The following CSMD1 variants were observed in gnomAD, a reference collection of about 807,000 sequenced individuals.
The protein encoded by CSMD1 is CUB and Sushi multiple domains 1, also known as CUB and sushi domain-containing protein 1.
CSMD1 carries 213 observed loss-of-function variants against 417.5 expected under a neutral mutation model. The ratio of observed to expected loss-of-function variants is 0.51; its 90% CI spans 0.46 to 0.57. The LOEUF is 0.57. CSMD1 is among the 20% of genes least tolerant of loss of function. The probability of loss-of-function intolerance (pLI) is 0.00; values close to 1 mark genes in which losing one functional copy is unlikely to be tolerated. For synonymous variants in CSMD1, 2,862 were observed against 1,736.8 expected (o/e 1.65, Z -16.11); for missense variants, 6,923 against 4,529.7 (o/e 1.53, Z -15.17).
chr8:3,517,685 T>A (rs1585290794), intron 10 of CSMD1, among the ~76,000 whole-genome samples: 1 of 152,194 alleles, frequency 6.6e-6, no homozygotes, highest in African/African-American at 2.4e-5. Context: ...TTTTCACTTG[T>A]AGACACAAAC....
chr8:4,661,397 T>C (rs1412882356), intron 1 of CSMD1, among the ~76,000 whole-genome samples: 1 of 152,240 alleles, frequency 6.6e-6, no homozygotes, highest in Non-Finnish European at 1.5e-5. Context: ...TCAAACGTTG[T>C]ATGCTATAGG....
chr8:3,032,644 T>G (rs1810417778), intron 50 of CSMD1, among the ~76,000 whole-genome samples: 1 of 152,018 alleles, frequency 6.6e-6, no homozygotes, highest in Non-Finnish European at 1.5e-5. Flanking sequence ...ACGTGGTTTC[T>G]AGTCACTGAC....
chr8:4,315,693 A>G (rs1291232326), intron 3 of CSMD1, among the ~76,000 whole-genome samples: 1 of 152,220 alleles, frequency 6.6e-6, no homozygotes, highest in Non-Finnish European at 1.5e-5. Flanking sequence ...TAAAATAGCC[A>G]TTGAAGTCAT....
At chr8:4,761,847 CTATCTATCTATCTAT>C (rs1812094166) in intron 1 of CSMD1, among the ~76,000 whole-genome samples, 2 of 63,012 alleles carry the variant, frequency 3.2e-5, no homozygotes, top group Non-Finnish European at 6.7e-5. Context: ...ATCTATCTAT[CTATCTATCTATCTAT>C]CTATCTATCT....
chr8:4,292,232 T>G (rs922215488), intron 3 of CSMD1, among the ~76,000 whole-genome samples: 1 of 151,914 alleles, frequency 6.6e-6, no homozygotes, highest in Admixed American at 6.6e-5. Context: ...TCCAAAGAAT[T>G]TTGTTGTCGT....
intron 49 of CSMD1, among the ~76,000 whole-genome samples, chr8:3,082,112 G>A (rs1396404512): frequency 6.6e-6 from 1 of 152,078 alleles, no homozygotes; most frequent in East Asian, 1.9e-4. Context: ...TTCAATACCT[G>A]TTTTCATGCA....
intron 30 of CSMD1, among the ~76,000 whole-genome samples, chr8:3,208,639 G>A (rs1458234810): frequency 1.3e-5 from 2 of 152,166 alleles, no homozygotes; most frequent in African/African-American, 4.8e-5. Context: ...TCCTGGGTAT[G>A]TCTGTGAGGG....
chr8:3,396,666 A>C (rs530640353), intron 16 of CSMD1, among the ~76,000 whole-genome samples: 56 of 152,278 alleles, frequency 3.7e-4, no homozygotes, highest in African/African-American at 1.3e-3. Flanking sequence ...ACTATGAACC[A>C]GATTAGTTTT....
At chr8:3,343,530 C>G in intron 22 of CSMD1, 80 bp from the exon 23 acceptor site, 1 of 1,264,822 alleles carries the variant, frequency 7.9e-7, no homozygotes, top group Non-Finnish European at 1.1e-6. Context: ...CAATCCAAAT[C>G]TTCAAAGATG....
At chr8:4,322,568 T>A (rs10103330) in intron 3 of CSMD1, among the ~76,000 whole-genome samples, 25,755 of 152,084 alleles carry the variant, frequency 0.17, 2,637 homozygotes, top group South Asian at 0.35. Context: ...AAGTAAGATT[T>A]TGATGAAGGA....
chr8:3,476,508 C>G (rs71521865), intron 11 of CSMD1, among the ~76,000 whole-genome samples: 7 of 152,104 alleles, frequency 4.6e-5, no homozygotes, highest in Non-Finnish European at 8.8e-5. Flanking sequence ...TATGAAACTA[C>G]CAACCTATCT....
chr8:3,642,288 G>C (rs556817340), intron 7 of CSMD1, among the ~76,000 whole-genome samples: 1 of 152,044 alleles, frequency 6.6e-6, no homozygotes, highest in African/African-American at 2.4e-5. Context: ...AATTCACTGT[G>C]AAAAAGAGAT....
rs117166496 is a variant in CSMD1, at chr8:4,787,400, A to C, written c.86-149842T>G. The stretch of plus-strand genomic sequence containing the variant: ...AGGGTAAAACAAAAGAAGTCTACGA[A>C]AAGTCCTCCTGCAGTCCAAGGACAA... On this transcript the variant is annotated intron_variant, in intron 1 of 69. Transcript: ENST00000635120. The C allele has an allele frequency of 9.9e-3, 7,330 of 740,772 alleles. 60 individuals are homozygous for C. Among genetic ancestry groups the C allele is most frequent in the East Asian group, 0.023 (907 of 39,260 alleles). 45.9% of individuals were successfully genotyped at this position (740,772 alleles called of 1,614,324 possible). A position where few individuals can be genotyped will look rare whatever the true frequency, so the allele number is the denominator to read the frequency against.
At chr8:3,580,701 G>A (rs1364759783) in intron 9 of CSMD1, among the ~76,000 whole-genome samples, 1 of 152,110 alleles carries the variant, frequency 6.6e-6, no homozygotes, top group Non-Finnish European at 1.5e-5. Context: ...AAAATTAACC[G>A]TGTGTTCTTC....
chr8:3,780,103 G>T (rs1213959190), intron 5 of CSMD1, among the ~76,000 whole-genome samples: 1 of 152,204 alleles, frequency 6.6e-6, no homozygotes. Context: ...AGTCGGTGTT[G>T]CATTAGAAGG....
chr8:3,727,556 A>C (rs1286640163), intron 6 of CSMD1, among the ~76,000 whole-genome samples: 1 of 152,214 alleles, frequency 6.6e-6, no homozygotes, highest in Admixed American at 6.5e-5. Flanking sequence ...AACAGTATGG[A>C]AGTTCCTCGA....
At chr8:3,768,816 C>T (rs1246688648) in intron 5 of CSMD1, among the ~76,000 whole-genome samples, 2 of 152,214 alleles carry the variant, frequency 1.3e-5, no homozygotes, top group African/African-American at 4.8e-5. Context: ...CTTGCTAATC[C>T]ATTACTTCCT....
intron 12 of CSMD1, among the ~76,000 whole-genome samples, chr8:3,463,929 C>T (rs1191010533): frequency 6.6e-6 from 1 of 152,168 alleles, no homozygotes; most frequent in Non-Finnish European, 1.5e-5. Flanking sequence ...ACTGAGATGC[C>T]TACACAAATT....
chr8:3,054,861 T>C (rs2128990827), intron 49 of CSMD1, among the ~76,000 whole-genome samples: 1 of 152,260 alleles, frequency 6.6e-6, no homozygotes, highest in African/African-American at 2.4e-5. Flanking sequence ...AAGCAACAGA[T>C]CTGTGGGAAG....
Sources: allele counts gnomAD v4.1 joint callset (sites outside exome capture counted in the v4.1 genomes callset), GRCh38; gene constraint gnomAD v4.1.1; transcripts MANE v1.5; gene names NCBI Gene and HGNC (gene_info 2026-07-23, HGNC 2026-07-21).